FHIP1A: variants seen among roughly 807,000 people sequenced by gnomAD.
FHIP1A encodes FHF complex subunit HOOK interacting protein 1A.
In FHIP1A, 61 loss-of-function variants were observed where a neutral mutation model predicts 88.6. The ratio of observed to expected loss-of-function variants is 0.69; its 90% CI spans 0.56 to 0.85. FHIP1A has a LOEUF of 0.85. Among genes scored for constraint, FHIP1A ranks in the 40% least tolerant of loss-of-function variants. The pLI is 0.00. For missense variants in FHIP1A, 1,154 were observed against 1,273.5 expected, an observed-to-expected ratio of 0.91 and a Z score of 1.43; for synonymous variants, 478 against 496.0, an observed-to-expected ratio of 0.96 and a Z score of 0.48.
chr4:151,587,312 C>G (rs1734256098), intron 6 of FHIP1A, among the ~76,000 whole-genome samples: 1 of 152,134 alleles, frequency 6.6e-6, no homozygotes, highest in African/African-American at 2.4e-5. Flanking sequence ...AAAAAAGCAA[C>G]CACTGAATTC....
chr4:151,607,816 AT>A (rs1476577969), intron 7 of FHIP1A, among the ~76,000 whole-genome samples: 1 of 152,126 alleles, frequency 6.6e-6, no homozygotes, highest in African/African-American at 2.4e-5. Context: ...CATACTACCT[AT>A]TATTACTTAT....
Position 151,663,989 on chromosome 4 carries a change from C to T in FHIP1A, c.*1235C>T, listed in dbSNP as rs1356003506. On this transcript the variant is annotated 3_prime_UTR_variant, in exon 14 of 14. Coordinates refer to ENST00000435205, the MANE Select transcript of FHIP1A (RefSeq NM_001109977.3). ...GGCAGGATTATACTTAGAGCCACAG[C>T]CATGTTAAACCACCACCAAGAGGGG... Among the ~76,000 whole-genome samples, 1 of 152,080 alleles carries T rather than the reference C, an allele frequency of 6.6e-6. No individual in the cohort carries two copies. The highest frequency in any genetic ancestry group is 2.4e-5 in the African/African-American group (1 of 41,420).
chr4:151,661,426 T>TA (rs1553964127), intron 13 of FHIP1A, among the ~76,000 whole-genome samples: 7 of 150,258 alleles, frequency 4.7e-5, no homozygotes, highest in African/African-American at 1.5e-4. Flanking sequence ...TTTTTTTTTT[T>TA]AACACTAAAG....
rs550706782 is a variant in FHIP1A, at chr4:151,565,807, A to G, written c.-122-331A>G. On this transcript the variant is annotated intron_variant, in intron 3 of 13. Coordinates refer to ENST00000435205, the MANE Select transcript of FHIP1A (RefSeq NM_001109977.3). ...CCGCAATTACTTTTGCACCAACCTA[A>G]TAGTTTCTTACTTGATTCTAGGAAC... 1.2e-4 allele frequency among the ~76,000 whole-genome samples: 18 copies of G among 152,054 alleles called. No homozygotes were observed. The South Asian group carries it at 3.5e-3, about 30-fold the overall frequency.
At chr4:151,493,188 A>G (rs1445100045) in intron 3 of FHIP1A, among the ~76,000 whole-genome samples, 1 of 152,214 alleles carries the variant, frequency 6.6e-6, no homozygotes, top group Non-Finnish European at 1.5e-5. Context: ...ATTCAAGGCT[A>G]CTATGAACAC....
chr4:151,583,727 A>G (rs1734106972), intron 5 of FHIP1A, among the ~76,000 whole-genome samples: 1 of 152,210 alleles, frequency 6.6e-6, no homozygotes, highest in Non-Finnish European at 1.5e-5. Flanking sequence ...TAGCAAATGT[A>G]ATTGATTTAA....
At position 151,646,562 on chromosome 4, in the gene FHIP1A, C is replaced by T. The variant is rs970466950; in HGVS notation, c.1231C>T (p.Leu411=). Residue 411 remains leucine, a synonymous_variant, in exon 10 of 14, where the codon CTG becomes TTG. Coordinates refer to ENST00000435205, the MANE Select transcript of FHIP1A (RefSeq NM_001109977.3). ...TTGTTCTTTTTGTCATTCTAGGTATCTGATCCCCTGCAATCACATGATGCT... is the reference window on the plus strand; with the variant it reads ...TTGTTCTTTTTGTCATTCTAGGTATTTGATCCCCTGCAATCACATGATGCT... ...DVMLQLVLRY[L]IPCNHMMLSQ... 3.2e-6 allele frequency: 5 copies of T among 1,550,216 alleles called. No homozygotes were observed. The African/African-American group carries it at 5.5e-5, about 17-fold the overall frequency.
intron 3 of FHIP1A, among the ~76,000 whole-genome samples, chr4:151,537,540 G>A (rs989870358): frequency 2.0e-5 from 3 of 152,144 alleles, no homozygotes; most frequent in African/African-American, 7.2e-5. Context: ...TTGCCAGTCT[G>A]TAGTTTACCT....
At position 151,650,102 on chromosome 4, in the gene FHIP1A, C is replaced by T; in HGVS notation, c.2061C>T (p.Thr687=). The change falls in exon 11 of 14, where the codon ACC becomes ACT. Residue 687 remains threonine, a synonymous_variant. Coordinates refer to ENST00000435205, the MANE Select transcript of FHIP1A (RefSeq NM_001109977.3). The part of the protein sequence containing the change: ...VPINNGPLLS[T]QPETDSEEEW... ...TCAACAACGGCCCCCTCCTCAGCAC[C>T]CAGCCAGAGACAGATTCAGAGGAGG... The T allele has an allele frequency of 6.4e-7, 1 of 1,551,640 alleles. No individual in the cohort carries two copies.
At chr4:151,661,939 T>G (rs566690064) in intron 13 of FHIP1A, among the ~76,000 whole-genome samples, 1 of 152,244 alleles carries the variant, frequency 6.6e-6, no homozygotes, top group South Asian at 2.1e-4. Flanking sequence ...TCTCCTTTTA[T>G]GTAAAACGTT....
intron 2 of FHIP1A, among the ~76,000 whole-genome samples, chr4:151,466,608 G>T (rs960378510): frequency 6.6e-6 from 1 of 152,120 alleles, no homozygotes; most frequent in Non-Finnish European, 1.5e-5. Flanking sequence ...AACCAAAACA[G>T]CACTGTACTG....
chr4:151,452,955 T>TAC (rs374067458), intron 1 of FHIP1A, among the ~76,000 whole-genome samples: 21,801 of 147,678 alleles, frequency 0.15, 1,784 homozygotes, highest in African/African-American at 0.24. Flanking sequence ...TATATATACA[T>TAC]ACACACACAC....
intron 2 of FHIP1A, among the ~76,000 whole-genome samples, chr4:151,457,693 G>A (rs943594297): frequency 2.8e-4 from 43 of 152,120 alleles, no homozygotes; most frequent in African/African-American, 1.0e-3. Flanking sequence ...GGCTGCCCTA[G>A]TTCTATAATG....
At chr4:151,659,219 T>C (rs1265182058) in intron 13 of FHIP1A, among the ~76,000 whole-genome samples, 1 of 152,228 alleles carries the variant, frequency 6.6e-6, no homozygotes, top group Non-Finnish European at 1.5e-5. Context: ...CATTTTTCTT[T>C]TACTTGAGTT....
Position 151,638,765 on chromosome 4 carries a change from C to G in FHIP1A, c.1226+9C>G. The G allele has an allele frequency of 1.3e-6, 2 of 1,515,372 alleles. No homozygotes were observed. The highest frequency in any genetic ancestry group is 1.8e-6 in the Non-Finnish European group (2 of 1,120,450). 93.9% of individuals were successfully genotyped at this position (1,515,372 alleles called of 1,614,324 possible). Reference sequence around the variant, plus strand: ...TTACAGCTAGTTCTAAGGTGAGTTGCCTTTTTTGTTTCCTTTAAAGAAAAA... The same window carrying G: ...TTACAGCTAGTTCTAAGGTGAGTTGGCTTTTTTGTTTCCTTTAAAGAAAAA... On this transcript the variant is annotated intron_variant, in intron 9 of 13. Transcript: ENST00000435205.
intron 2 of FHIP1A, among the ~76,000 whole-genome samples, chr4:151,460,195 A>G (rs1729099343): frequency 6.6e-6 from 1 of 152,200 alleles, no homozygotes; most frequent in Non-Finnish European, 1.5e-5. Context: ...TTCTACATTT[A>G]AATCAGCTTT....
At chr4:151,456,805 TA>T (rs1227529179) in intron 2 of FHIP1A, among the ~76,000 whole-genome samples, 69 of 152,268 alleles carry the variant, frequency 4.5e-4, no homozygotes, top group African/African-American at 1.6e-3. Flanking sequence ...ACAGATTCCA[TA>T]AAAATAATGA....
intron 1 of FHIP1A, among the ~76,000 whole-genome samples, chr4:151,429,636 G>A (rs535955260): frequency 2.6e-4 from 39 of 152,218 alleles, no homozygotes; most frequent in African/African-American, 7.5e-4. Flanking sequence ...ATCACTTGGG[G>A]CCAGGAGTTG....
rs1384288410 is a variant in FHIP1A at position 151,668,361 on chromosome 4, C to G, written c.*5607C>G. ...AGCGGGTCATGGCCATAAGCTGTGTCCTGAACTAACCAACTCCAAGCTGAA... is the reference window on the plus strand; with the variant it reads ...AGCGGGTCATGGCCATAAGCTGTGTGCTGAACTAACCAACTCCAAGCTGAA... On this transcript the variant is annotated 3_prime_UTR_variant, in exon 14 of 14. Coordinates refer to ENST00000435205, the MANE Select transcript of FHIP1A (RefSeq NM_001109977.3). Among the ~76,000 whole-genome samples, 2 of 152,108 alleles carry G rather than the reference C, an allele frequency of 1.3e-5. No individual in the cohort carries two copies. The highest frequency in any genetic ancestry group is 6.5e-5 in the Admixed American group (1 of 15,280).
Sources: gnomAD v4.1 joint callset for allele counts (sites outside exome capture counted in the v4.1 genomes callset) on GRCh38, gnomAD v4.1.1 for gene constraint, MANE v1.5 for transcripts, NCBI Gene and HGNC (gene_info 2026-07-23, HGNC 2026-07-21) for gene names.